The following SGCZ variants were observed in gnomAD, a reference collection of about 807,000 sequenced individuals.
SGCZ encodes sarcoglycan zeta.
In SGCZ, 40 loss-of-function variants were observed where a neutral mutation model predicts 41.3. The observed-to-expected ratio is 0.97, with a 90% CI of 0.75 to 1.26. SGCZ has a LOEUF of 1.26. Ranked by LOEUF, SGCZ falls within the 50% of genes most tolerant of loss-of-function variation. The pLI is 0.00. For missense variants in SGCZ, 552 were observed against 369.8 expected, an observed-to-expected ratio of 1.49 and a Z score of -4.04; for synonymous variants, 206 against 137.5, an observed-to-expected ratio of 1.50 and a Z score of -3.49.
At chr8:14,313,268 G>C (rs938732692) in intron 3 of SGCZ, among the ~76,000 whole-genome samples, 2 of 152,036 alleles carry the variant, frequency 1.3e-5, no homozygotes, top group Non-Finnish European at 2.9e-5. Context: ...GTAGTAAAAG[G>C]TTTCTGTTAC....
intron 2 of SGCZ, among the ~76,000 whole-genome samples, chr8:14,432,448 T>C (rs1451696953): frequency 5.3e-5 from 8 of 152,198 alleles, no homozygotes. Context: ...AAACAACCTA[T>C]GCTCTCATTC....
intron 1 of SGCZ, among the ~76,000 whole-genome samples, chr8:14,761,002 T>C (rs1355912016): frequency 6.6e-6 from 1 of 152,128 alleles, no homozygotes; most frequent in Non-Finnish European, 1.5e-5. Flanking sequence ...GAAGAAGCGG[T>C]GGTGGGGATT....
intron 1 of SGCZ, among the ~76,000 whole-genome samples, chr8:15,118,143 T>C (rs1807340264): frequency 6.6e-6 from 1 of 152,206 alleles, no homozygotes; most frequent in South Asian, 2.1e-4. Flanking sequence ...TTAAGTTTTA[T>C]AAATCACATA....
At chr8:15,213,189 G>A (rs568351425) in intron 1 of SGCZ, among the ~76,000 whole-genome samples, 1 of 152,022 alleles carries the variant, frequency 6.6e-6, no homozygotes, top group African/African-American at 2.4e-5. Context: ...ACATAAAGTT[G>A]AAGGAAAATT....
chr8:15,037,983 A>T (rs1019568470), intron 1 of SGCZ, among the ~76,000 whole-genome samples: 1 of 152,172 alleles, frequency 6.6e-6, no homozygotes, highest in African/African-American at 2.4e-5. Flanking sequence ...TAAAAGATTC[A>T]TGTTCATAGA....
rs548657604 is a variant in SGCZ, at chr8:15,190,713, G to T, written c.39+46872C>A. Reference sequence around the variant, plus strand: ...GGTGTGCGTGTGTCGTGGGGGATGGGGTTAGGTTTGTCAGCAATCAAAAAC... The same window carrying T: ...GGTGTGCGTGTGTCGTGGGGGATGGTGTTAGGTTTGTCAGCAATCAAAAAC... On this transcript the variant is annotated intron_variant, in intron 1 of 7. Transcript: ENST00000382080. Among the ~76,000 whole-genome samples the T allele has an allele frequency of 1.9e-4, 29 of 151,838 alleles. 1 individual carries two copies. The highest frequency in any genetic ancestry group is 6.5e-4 in the African/African-American group (27 of 41,370).
At chr8:15,225,940 A>G (rs1225369604) in intron 1 of SGCZ, among the ~76,000 whole-genome samples, 2 of 152,122 alleles carry the variant, frequency 1.3e-5, no homozygotes, top group Admixed American at 6.6e-5. Flanking sequence ...GCTTTGATCT[A>G]TGCACATCTA....
chr8:15,169,986 G>C (rs1298987622), intron 1 of SGCZ, among the ~76,000 whole-genome samples: 1 of 152,160 alleles, frequency 6.6e-6, no homozygotes, highest in African/African-American at 2.4e-5. Context: ...CTGCAGCCAA[G>C]TATTTAAATC....
chr8:14,237,503 A>AACG (rs2117167496), intron 4 of SGCZ, 89 bp downstream of exon 4: 1 of 1,222,320 alleles, frequency 8.2e-7, no homozygotes, highest in Non-Finnish European at 1.2e-6. Context: ...CAACAACAAC[A>AACG]ACAACGACAA....
At chr8:14,278,825 G>C (rs138386758) in intron 3 of SGCZ, among the ~76,000 whole-genome samples, 16 of 152,166 alleles carry the variant, frequency 1.1e-4, no homozygotes, top group Non-Finnish European at 2.2e-4. Flanking sequence ...TGGACTTTGT[G>C]TTTGTGATAT....
At chr8:15,070,887 G>C (rs1298063230) in intron 1 of SGCZ, among the ~76,000 whole-genome samples, 3 of 152,066 alleles carry the variant, frequency 2.0e-5, no homozygotes, top group Non-Finnish European at 4.4e-5. Context: ...TCTCGGATCT[G>C]CCACTTAGCC....
At chr8:14,873,801 G>T (rs1170377939) in intron 1 of SGCZ, among the ~76,000 whole-genome samples, 1 of 152,100 alleles carries the variant, frequency 6.6e-6, no homozygotes, top group African/African-American at 2.4e-5. Flanking sequence ...TTGGCCAGAT[G>T]TATACCTAAT....
chr8:14,280,578 C>T (rs768514386), intron 3 of SGCZ, among the ~76,000 whole-genome samples: 12 of 151,848 alleles, frequency 7.9e-5, no homozygotes, highest in East Asian at 1.9e-4. Flanking sequence ...GCCCTTAAAT[C>T]GGAAATCTCT....
intron 1 of SGCZ, among the ~76,000 whole-genome samples, chr8:14,920,592 G>A (rs1323789295): frequency 6.6e-6 from 1 of 151,960 alleles, no homozygotes; most frequent in East Asian, 1.9e-4. Context: ...AAGATAAGAT[G>A]GTAACAGATT....
At chr8:14,108,865 A>G (rs1667051370) in intron 5 of SGCZ, among the ~76,000 whole-genome samples, 2 of 152,232 alleles carry the variant, frequency 1.3e-5, no homozygotes, top group South Asian at 4.1e-4. Flanking sequence ...TTAAAGAACA[A>G]AAGCTCATCT....
At chr8:14,091,046 C>G (rs1366416119) in intron 7 of SGCZ, among the ~76,000 whole-genome samples, 1 of 151,976 alleles carries the variant, frequency 6.6e-6, no homozygotes, top group African/African-American at 2.4e-5. Context: ...TCCATGTGTT[C>G]TCATTGTTCC....
chr8:14,240,181 AG>A (rs1325350255), intron 3 of SGCZ, among the ~76,000 whole-genome samples: 1 of 151,608 alleles, frequency 6.6e-6, no homozygotes, highest in Non-Finnish European at 1.5e-5. Context: ...ACGAAAAATT[AG>A]CCAGGCATGG....
intron 2 of SGCZ, among the ~76,000 whole-genome samples, chr8:14,406,605 T>C (rs909683731): frequency 1.7e-4 from 26 of 152,110 alleles, no homozygotes; most frequent in African/African-American, 5.8e-4. Flanking sequence ...GGGCACTAGA[T>C]CAAATTGAGG....
intron 1 of SGCZ, among the ~76,000 whole-genome samples, chr8:15,041,386 C>T (rs1183658684): frequency 2.0e-5 from 3 of 151,790 alleles, no homozygotes; most frequent in South Asian, 4.2e-4. Flanking sequence ...TTAAAGTACA[C>T]ATAGTCCTTT....
Sources: allele counts gnomAD v4.1 joint callset (sites outside exome capture counted in the v4.1 genomes callset), GRCh38; gene constraint gnomAD v4.1.1; transcripts MANE v1.5; gene names NCBI Gene and HGNC (gene_info 2026-07-23, HGNC 2026-07-21).